Variants in PKHD1 observed in about 807,000 individuals in gnomAD.
PKHD1 encodes fibrocystin.
In PKHD1, 291 loss-of-function variants were observed where a neutral mutation model predicts 412.0. That is an observed-to-expected ratio of 0.71 (90% CI 0.64 to 0.78). PKHD1 has a LOEUF of 0.78. Ranked by LOEUF, PKHD1 falls within the 30% of genes least tolerant of loss-of-function variation. PKHD1 has a pLI of 0.00. For synonymous variants in PKHD1, 1,777 were observed against 1,821.5 expected (o/e 0.98, Z 0.62); for missense variants, 4,825 against 4,950.7 (o/e 0.97, Z 0.76).
intron 37 of PKHD1, 80 bp from the exon 38 acceptor site, chr6:51,912,656 G>A: frequency 1.1e-5 from 11 of 1,001,164 alleles, no homozygotes; most frequent in African/African-American, 3.2e-5. Context: ...TAATAAATGT[G>A]ATGTTATTTA....
chr6:51,922,313 T>G (rs1386453451), intron 37 of PKHD1, among the ~76,000 whole-genome samples: 1 of 152,212 alleles, frequency 6.6e-6, no homozygotes. Context: ...ATCCTTCTTC[T>G]GGAAGCTTCA....
chr6:51,800,950 GT>G lies in PKHD1; in HGVS notation c.8303-9578del, dbSNP rs562084763. On this transcript the variant is annotated intron_variant, in intron 52 of 66. Coordinates refer to ENST00000371117, the MANE Select transcript of PKHD1 (RefSeq NM_138694.4). ...TTCCTGTACCTTCCATAATTAATGG[GT>G]TTTTTTTCTACATTCAGCCTTGGCT... 2.4e-4 allele frequency among the ~76,000 whole-genome samples: 37 copies of G among 152,020 alleles called. No individual in the cohort carries two copies. In the East Asian group the frequency reaches 6.6e-3, roughly 27 times the overall value.
rs975457797 is a variant in PKHD1, at chr6:51,623,917, C to A, written c.11785+3080G>T. Among the ~76,000 whole-genome samples the A allele has an allele frequency of 5.3e-5, 8 of 152,246 alleles. No individual in the cohort carries two copies. In the South Asian group the frequency reaches 1.7e-3, roughly 32 times the overall value. ...GTTTTATATATGCTGTGTTTCTTAG[C>A]ATTCCAAAATATATGTTATAAAATT... On this transcript the variant is annotated intron_variant, in intron 66 of 66. Transcript: ENST00000371117.
At position 51,964,525 on chromosome 6, in the gene PKHD1, C is replaced by T. The variant is rs190535173; in HGVS notation, c.5752-4499G>A. Among the ~76,000 whole-genome samples, 14 of 152,236 alleles carry T rather than the reference C, an allele frequency of 9.2e-5. No homozygotes were observed. In the East Asian group the frequency reaches 2.7e-3, roughly 29 times the overall value. The stretch of plus-strand genomic sequence containing the variant: ...AATACAATGTATACTGGTTTATAAT[C>T]AGTCAACCCCTAATAGAATGTAAGC... On this transcript the variant is annotated intron_variant, in intron 35 of 66. Coordinates refer to ENST00000371117, the MANE Select transcript of PKHD1 (RefSeq NM_138694.4).
intron 57 of PKHD1, among the ~76,000 whole-genome samples, chr6:51,750,786 A>AT (rs150153766): frequency 0.034 from 5,222 of 151,994 alleles, 291 homozygotes; most frequent in African/African-American, 0.11. Context: ...GAATTAAGCA[A>AT]TTTTTTTTGA....
chr6:51,866,573 C>T (rs1464760792), intron 48 of PKHD1, among the ~76,000 whole-genome samples: 2 of 152,132 alleles, frequency 1.3e-5, no homozygotes, highest in African/African-American at 4.8e-5. Flanking sequence ...CTCCAAGAGA[C>T]AGCCTACCAG....
chr6:51,760,582 T>C (rs1165925766), intron 55 of PKHD1, among the ~76,000 whole-genome samples: 2 of 152,124 alleles, frequency 1.3e-5, no homozygotes, highest in African/African-American at 4.8e-5. Context: ...CTGCATCTGA[T>C]ACTCTTATTT....
intron 50 of PKHD1, among the ~76,000 whole-genome samples, chr6:51,844,826 C>CA (rs1316269745): frequency 6.6e-6 from 1 of 152,004 alleles, no homozygotes; most frequent in African/African-American, 2.4e-5. Flanking sequence ...GCCACACCCC[C>CA]AAAAAAATCT....
In PKHD1 at chr6:51,747,796, T is replaced by C. The variant is rs1282176841; in HGVS notation, c.9820A>G (p.Lys3274Glu). 1.9e-6 allele frequency: 3 copies of C among 1,613,622 alleles called. No homozygotes were observed. In the Admixed American group the frequency reaches 5.0e-5, roughly 27 times the overall value. ...AAATAAAACATCCTACCTTGAAGTT[T>C]CATGATTCCTGAAATTGAATGATCA... ...RNDHSISGIM[K>E]LQDVTFSSFV... The change falls in exon 58 of 67, where the codon AAA (lysine) becomes GAA (glutamate). Residue 3274 changes from lysine (K) to glutamate (E), a missense_variant. Physicochemically the swap from Lys to Glu is moderately conservative, Grantham distance 56. Transcript: ENST00000371117.
intron 35 of PKHD1, among the ~76,000 whole-genome samples, chr6:51,981,350 T>C (rs1162250636): frequency 4.9e-4 from 29 of 59,044 alleles, no homozygotes; most frequent in African/African-American, 1.6e-3. Flanking sequence ...CCTCTCCCTC[T>C]CCCTCTCCCT....
At position 51,753,314 on chromosome 6, in the gene PKHD1, A is replaced by G. The variant is rs1582469785; in HGVS notation, c.8837T>C (p.Leu2946Ser). The G allele has an allele frequency of 6.2e-7, 1 of 1,613,872 alleles. No individual in the cohort carries two copies. Among genetic ancestry groups the G allele is most frequent in the Non-Finnish European group, 8.5e-7 (1 of 1,179,798 alleles). ...HVTEDGRHIR[L>S]AAEVGLLTRN... is the part of the protein sequence containing the mutation. ...GGTCAACAGTCCAACCTCAGCAGCC[A>G]AACGAATGTGTCGGCCATCCTCCGT... The change falls in exon 57 of 67, where the codon TTG becomes TCG. Residue 2946 changes from leucine to serine, a missense_variant. By Grantham distance (145) the Leu-to-Ser change is moderately radical. Coordinates refer to ENST00000371117, the MANE Select transcript of PKHD1 (RefSeq NM_138694.4).
intron 39 of PKHD1, 136 bp downstream of exon 39, chr6:51,911,663 C>T (rs890970594): frequency 2.4e-5 from 18 of 756,208 alleles, no homozygotes; most frequent in Non-Finnish European, 3.9e-5. Flanking sequence ...CTGAAAACTA[C>T]AGAAAAGTAT....
At chr6:51,892,426 TAAC>T (rs891654935) in intron 43 of PKHD1, among the ~76,000 whole-genome samples, 23 of 152,308 alleles carry the variant, frequency 1.5e-4, no homozygotes, top group African/African-American at 5.1e-4. Context: ...TTTTTTATTG[TAAC>T]AACTTGGAGG....
intron 39 of PKHD1, among the ~76,000 whole-genome samples, chr6:51,910,235 T>C (rs1001421471): frequency 2.6e-5 from 4 of 152,128 alleles, no homozygotes; most frequent in Non-Finnish European, 4.4e-5. Flanking sequence ...TGGCATTTGG[T>C]GGTACAAACT....
intron 60 of PKHD1, among the ~76,000 whole-genome samples, chr6:51,687,984 T>C (rs1777654697): frequency 6.6e-6 from 1 of 152,190 alleles, no homozygotes; most frequent in Non-Finnish European, 1.5e-5. Context: ...ATACTACTAA[T>C]TAACTAGACT....
chr6:51,827,783 GCTTGGAACTGTGC>G (rs1313827766), intron 52 of PKHD1, among the ~76,000 whole-genome samples: 1 of 152,080 alleles, frequency 6.6e-6, no homozygotes, highest in African/African-American at 2.4e-5. Flanking sequence ...GATCATGAGC[GCTTGGAACTGTGC>G]CTTGAACAGA....
chr6:51,966,133 CA>C (rs1434049649), intron 35 of PKHD1, among the ~76,000 whole-genome samples: 1 of 152,010 alleles, frequency 6.6e-6, no homozygotes, highest in Admixed American at 6.6e-5. Context: ...TTTATTTTGC[CA>C]AGGTTGAGGA....
intron 7 of PKHD1, among the ~76,000 whole-genome samples, chr6:52,072,940 T>C (rs759426066): frequency 2.0e-5 from 3 of 152,214 alleles, no homozygotes; most frequent in Non-Finnish European, 4.4e-5. Flanking sequence ...GATTTAATAG[T>C]AACACTTTCC....
chr6:51,892,414 C>T (rs1299799265), intron 43 of PKHD1, among the ~76,000 whole-genome samples: 3 of 152,290 alleles, frequency 2.0e-5, no homozygotes, highest in East Asian at 1.9e-4. Flanking sequence ...CCTCTGGATA[C>T]ATTTTTTATT....
Sources: allele counts gnomAD v4.1 joint callset (sites outside exome capture counted in the v4.1 genomes callset), GRCh38; gene constraint gnomAD v4.1.1; transcripts MANE v1.5; gene names NCBI Gene and HGNC (gene_info 2026-07-23, HGNC 2026-07-21).